SPRED2: variants seen among roughly 807,000 people sequenced by gnomAD.
SPRED2 encodes sprouty-related, EVH1 domain-containing protein 2.
A neutral mutation model predicts 43.0 loss-of-function variants in SPRED2; 47 were observed. The ratio of observed to expected loss-of-function variants is 1.09; its 90% CI spans 0.87 to 1.40. The LOEUF is 1.40. Ranked by LOEUF, SPRED2 falls within the 40% of genes most tolerant of loss-of-function variation. The probability of loss-of-function intolerance (pLI) is 0.00; values close to 1 mark genes in which losing one functional copy is unlikely to be tolerated. For synonymous variants in SPRED2, 225 were observed against 225.7 expected (o/e 1.00, Z 0.03); for missense variants, 561 against 586.4 (o/e 0.96, Z 0.45).
rs1673106333 is a variant in SPRED2 at position 65,312,796 on chromosome 2, C to CG, written c.*704dup. 1 of 985,782 alleles carries CG rather than the reference C, an allele frequency of 1.0e-6. No individual in the cohort carries two copies. Among genetic ancestry groups the CG allele is most frequent in the African/African-American group, 1.7e-5 (1 of 57,326 alleles). The allele number at this position is 985,782 out of a possible 1,614,324, so 61.1% of individuals were successfully genotyped here. ...TTAAGGCTCAATTCTCAGTCTATTA[C>CG]GGGTGAATGTTTTGCATCAGTGAAT... is the stretch of plus-strand genomic sequence containing the variant. On this transcript the variant is annotated 3_prime_UTR_variant, in exon 6 of 6. Transcript: ENST00000356388.
chr2:65,313,251 G>A lies in SPRED2; in HGVS notation c.*250C>T. 11 of 1,293,086 alleles carry A rather than the reference G, an allele frequency of 8.5e-6. No individual in the cohort carries two copies. Among genetic ancestry groups the A allele is most frequent in the South Asian group, 2.5e-5 (1 of 39,234 alleles). 80.1% of individuals were successfully genotyped at this position (1,293,086 alleles called of 1,614,324 possible). On this transcript the variant is annotated 3_prime_UTR_variant, in exon 6 of 6. Coordinates refer to ENST00000356388, the MANE Select transcript of SPRED2 (RefSeq NM_181784.3). Reference sequence around the variant, plus strand: ...AATAGTACAGGAGTCTGTGGCGAAGGTTCCTTCCTCAGAACACTGTGCGAG... The same window carrying A: ...AATAGTACAGGAGTCTGTGGCGAAGATTCCTTCCTCAGAACACTGTGCGAG...
chr2:65,430,063 C>T (rs1365942186), intron 1 of SPRED2, among the ~76,000 whole-genome samples: 1 of 152,172 alleles, frequency 6.6e-6, no homozygotes. Flanking sequence ...TCTGCAAGGC[C>T]AGAGCACAGC....
chr2:65,327,997 C>A (rs964099828), intron 4 of SPRED2, among the ~76,000 whole-genome samples: 1 of 152,148 alleles, frequency 6.6e-6, no homozygotes, highest in Non-Finnish European at 1.5e-5. Flanking sequence ...GCTGGGATTA[C>A]AGGCATGAAC....
intron 4 of SPRED2, among the ~76,000 whole-genome samples, chr2:65,328,595 T>G (rs1362393513): frequency 1.3e-5 from 2 of 152,156 alleles, no homozygotes; most frequent in Non-Finnish European, 2.9e-5. Context: ...CAGTAATGGT[T>G]CCACATCACT....
intron 1 of SPRED2, among the ~76,000 whole-genome samples, chr2:65,392,162 T>C (rs889227981): frequency 6.6e-6 from 1 of 151,262 alleles, no homozygotes; most frequent in Non-Finnish European, 1.5e-5. Flanking sequence ...CTCTGTCATT[T>C]CTTCCAGAAT....
intron 1 of SPRED2, among the ~76,000 whole-genome samples, chr2:65,350,788 C>A (rs754541775): frequency 5.3e-5 from 8 of 152,198 alleles, no homozygotes; most frequent in Non-Finnish European, 1.2e-4. Context: ...TCAAAGCAGG[C>A]CCCGTCTGGG....
At chr2:65,307,707 C>G (rs1672969227), downstream of SPRED2, among the ~76,000 whole-genome samples, 2 of 152,196 alleles carry the variant, frequency 1.3e-5, no homozygotes, top group Admixed American at 1.3e-4. Flanking sequence ...ACCAATAGCA[C>G]CAGTGGCTGC....
chr2:65,378,809 T>C (rs925825154), intron 1 of SPRED2, among the ~76,000 whole-genome samples: 5 of 152,222 alleles, frequency 3.3e-5, no homozygotes, highest in Non-Finnish European at 5.9e-5. Context: ...TCATGCCTAA[T>C]TTAATTGTTT....
At chr2:65,389,533 T>A (rs1675582988) in intron 1 of SPRED2, among the ~76,000 whole-genome samples, 1 of 152,200 alleles carries the variant, frequency 6.6e-6, no homozygotes, top group South Asian at 2.1e-4. Flanking sequence ...AACTTTGTTG[T>A]GTTATTTGTT....
In SPRED2 at chr2:65,311,569, C is replaced by A. The variant is rs547777598; in HGVS notation, c.*1932G>T. The A allele has an allele frequency of 1.0e-6, 1 of 985,682 alleles. No homozygotes were observed. The highest frequency in any genetic ancestry group is 1.7e-5 in the African/African-American group (1 of 57,198). The allele number at this position is 985,682 out of a possible 1,614,324, so 61.1% of individuals were successfully genotyped here. A position where few individuals can be genotyped will look rare whatever the true frequency, so the allele number is the denominator to read the frequency against. ...AGACCCCAAGGAAGTGCCTCCGGGT[C>A]GGGGGAAGGTGGTCTCTCGACAGCA... On this transcript the variant is annotated 3_prime_UTR_variant, in exon 6 of 6. Transcript: ENST00000356388.
intron 1 of SPRED2, among the ~76,000 whole-genome samples, chr2:65,385,749 C>T (rs1675480890): frequency 6.6e-6 from 1 of 152,128 alleles, no homozygotes; most frequent in Non-Finnish European, 1.5e-5. Flanking sequence ...ATGACCTTTT[C>T]AGGGAAAATG....
chr2:65,367,435 T>C (rs1675007083), intron 1 of SPRED2, among the ~76,000 whole-genome samples: 1 of 152,188 alleles, frequency 6.6e-6, no homozygotes, highest in Non-Finnish European at 1.5e-5. Flanking sequence ...TTTTGAAGTA[T>C]CTTTGAAAAT....
At chr2:65,363,905 G>A (rs1363632019) in intron 1 of SPRED2, among the ~76,000 whole-genome samples, 3 of 152,128 alleles carry the variant, frequency 2.0e-5, no homozygotes, top group Admixed American at 2.0e-4. Flanking sequence ...CAAAGATTGG[G>A]AAAAATTGTT....
intron 1 of SPRED2, among the ~76,000 whole-genome samples, chr2:65,384,001 T>C (rs887723723): frequency 2.0e-5 from 3 of 152,202 alleles, no homozygotes; most frequent in African/African-American, 7.2e-5. Context: ...TTCCGGGTCT[T>C]TCTGGAAAGA....
chr2:65,411,556 G>A (rs1488669259), intron 1 of SPRED2, among the ~76,000 whole-genome samples: 3 of 152,186 alleles, frequency 2.0e-5, no homozygotes, highest in African/African-American at 2.4e-5. Flanking sequence ...GGGGACAAAA[G>A]TGAGGGATGG....
intron 4 of SPRED2, 119 bp from the exon 5 acceptor site, chr2:65,317,002 T>G: frequency 9.2e-7 from 1 of 1,084,746 alleles, no homozygotes; most frequent in African/African-American, 1.6e-5. Context: ...AATTTGCTGC[T>G]CTTCCCAAAA....
chr2:65,413,852 G>A (rs1046699211), intron 1 of SPRED2, among the ~76,000 whole-genome samples: 2 of 152,214 alleles, frequency 1.3e-5, no homozygotes, highest in African/African-American at 4.8e-5. Context: ...ACTGCCAAAT[G>A]TGGTGACTTA....
At chr2:65,314,299 C>A (rs756858156) in intron 5 of SPRED2, 130 bp from the exon 6 acceptor site, 12 of 844,186 alleles carry the variant, frequency 1.4e-5, no homozygotes, top group Non-Finnish European at 2.1e-5. Context: ...CACGATGCTC[C>A]GTGAAGAAAC....
At chr2:65,362,439 GT>G (rs1674840887) in intron 1 of SPRED2, among the ~76,000 whole-genome samples, 1 of 151,902 alleles carries the variant, frequency 6.6e-6, no homozygotes, top group Non-Finnish European at 1.5e-5. Flanking sequence ...CCAGCTAATT[GT>G]TTTGTATTTT....
Sources: allele counts gnomAD v4.1 joint callset (sites outside exome capture counted in the v4.1 genomes callset), GRCh38; gene constraint gnomAD v4.1.1; transcripts MANE v1.5; gene names NCBI Gene and HGNC (gene_info 2026-07-23, HGNC 2026-07-21).